APBA1: variants seen among roughly 807,000 people sequenced by gnomAD.
APBA1 encodes amyloid-beta A4 precursor protein-binding family A member 1.
A neutral mutation model predicts 86.6 loss-of-function variants in APBA1; 55 were observed. The ratio of observed to expected loss-of-function variants is 0.64; its 90% CI spans 0.51 to 0.80. The LOEUF is 0.80. APBA1 is among the 30% of genes least tolerant of loss of function. APBA1 has a pLI of 0.00. For missense variants in APBA1, 1,090 were observed against 1,183.0 expected (o/e 0.92, Z 1.15); for synonymous variants, 511 against 493.9 (o/e 1.03, Z -0.46).
intron 1 of APBA1, among the ~76,000 whole-genome samples, chr9:69,542,277 C>A (rs993438393): frequency 1.1e-4 from 17 of 152,216 alleles, no homozygotes; most frequent in African/African-American, 4.1e-4. Context: ...CGTTATAAAA[C>A]AAAGTCCATC....
intron 7 of APBA1, 49 bp downstream of exon 7, chr9:69,457,004 T>C: frequency 6.7e-7 from 1 of 1,485,214 alleles, no homozygotes. Context: ...ATCTCTGAGT[T>C]ACGATGTCAC....
intron 4 of APBA1, among the ~76,000 whole-genome samples, chr9:69,468,432 C>G (rs1835315347): frequency 6.6e-6 from 1 of 152,162 alleles, no homozygotes; most frequent in African/African-American, 2.4e-5. Flanking sequence ...TACTTGCCCC[C>G]CCCCATTCAT....
intron 1 of APBA1, among the ~76,000 whole-genome samples, chr9:69,523,047 G>A (rs1426357667): frequency 1.3e-5 from 2 of 152,126 alleles, no homozygotes; most frequent in Non-Finnish European, 2.9e-5. Flanking sequence ...GTTCTAGAAT[G>A]TTCCACAGCT....
At chr9:69,486,870 C>CTT (rs140792702) in intron 2 of APBA1, among the ~76,000 whole-genome samples, 6 of 108,962 alleles carry the variant, frequency 5.5e-5, no homozygotes, top group African/African-American at 6.6e-5. Context: ...TTCTTCTTTT[C>CTT]TTTTTTTTTT....
intron 2 of APBA1, among the ~76,000 whole-genome samples, chr9:69,490,136 T>C (rs1188779349): frequency 2.6e-5 from 4 of 152,202 alleles, no homozygotes; most frequent in East Asian, 3.9e-4. Flanking sequence ...CATGGAATAC[T>C]ATGCAGCCAT....
At chr9:69,588,112 T>C (rs1822058276) in intron 1 of APBA1, among the ~76,000 whole-genome samples, 1 of 151,772 alleles carries the variant, frequency 6.6e-6, no homozygotes, top group Non-Finnish European at 1.5e-5. Context: ...GAAGACCTCT[T>C]TGTGGGAATG....
At chr9:69,538,059 G>T (rs60919053) in intron 1 of APBA1, among the ~76,000 whole-genome samples, 5,956 of 148,364 alleles carry the variant, frequency 0.04, 431 homozygotes, top group African/African-American at 0.14. Context: ...CTGGAGCCTT[G>T]AAAAAAAAAT....
rs1348242037 is a variant in APBA1 at position 69,516,253 on chromosome 9, C to T, written c.958G>A (p.Ala320Thr). ...RPDSPGLQAP[A>T]GQQRAVGPAG... The stretch of plus-strand genomic sequence containing the variant: ...GGGCCCACCGCCCGCTGCTGCCCCG[C>T]CGGCGCCTGCAGCCCGGGGCTGTCG... The change falls in exon 2 of 13, where the codon GCG (alanine) becomes ACG (threonine). Residue 320 changes from alanine to threonine, a missense_variant. Physicochemically the swap from Ala to Thr is moderately conservative, Grantham distance 58. This residue lies in a region of APBA1 where 678 missense variants were observed against 647.1 expected (regional missense o/e 1.05). Transcript: ENST00000265381. The surrounding 1 kb of genome is among the most constrained non-coding windows in gnomAD (Gnocchi z 7.3). The T allele has an allele frequency of 7.2e-7, 1 of 1,380,322 alleles. No homozygotes were observed. Among genetic ancestry groups the T allele is most frequent in the African/African-American group, 1.5e-5 (1 of 65,438 alleles). 85.5% of individuals were successfully genotyped at this position (1,380,322 alleles called of 1,614,324 possible).
At chr9:69,617,896 T>C (rs981053520) in intron 1 of APBA1, among the ~76,000 whole-genome samples, 1 of 152,196 alleles carries the variant, frequency 6.6e-6, no homozygotes, top group African/African-American at 2.4e-5. Context: ...TGGGTGTTTA[T>C]GGACATAAAG....
intron 1 of APBA1, among the ~76,000 whole-genome samples, chr9:69,559,244 G>C (rs531890468): frequency 6.6e-6 from 1 of 152,020 alleles, no homozygotes; most frequent in Non-Finnish European, 1.5e-5. Context: ...TATTCTTTCT[G>C]GGGGGTAGGT....
rs1221164288 is a variant in APBA1, at chr9:69,432,661, G to A, written c.2317C>T (p.Arg773Ter). Residue 773 changes from arginine to a stop codon, truncating the protein, a stop_gained, in exon 12 of 13, where the codon CGA (arginine) becomes TGA (stop). Coordinates refer to ENST00000265381, the MANE Select transcript of APBA1 (RefSeq NM_001163.4). LOFTEE classifies it high-confidence loss of function. ...VQNGIICSLM[R>*]GGIAERGGVR... is the part of the protein sequence containing the mutation. Reference sequence around the variant, plus strand: ...CCTCCTCTCTCAGCTATTCCCCCTCGCATGAGGCTGCAGATCTGCCAGAGT... The same window carrying A: ...CCTCCTCTCTCAGCTATTCCCCCTCACATGAGGCTGCAGATCTGCCAGAGT... 4 of 1,587,502 alleles carry A rather than the reference G, an allele frequency of 2.5e-6. No individual in the cohort carries two copies. Among genetic ancestry groups the A allele is most frequent in the African/African-American group, 1.3e-5 (1 of 74,152 alleles).
intron 1 of APBA1, among the ~76,000 whole-genome samples, chr9:69,584,338 T>C (rs1387719792): frequency 6.6e-6 from 1 of 152,202 alleles, no homozygotes; most frequent in Non-Finnish European, 1.5e-5. Flanking sequence ...TTAAGTGTTT[T>C]GGCTGTATTA....
chr9:69,578,704 C>T (rs1316522024), intron 1 of APBA1, among the ~76,000 whole-genome samples: 2 of 152,198 alleles, frequency 1.3e-5, no homozygotes, highest in African/African-American at 2.4e-5. Context: ...TGGGGAGCCC[C>T]CTCCCCTGGC....
intron 12 of APBA1, 81 bp downstream of exon 12, chr9:69,432,455 G>C (rs1463076557): frequency 1.5e-6 from 2 of 1,355,120 alleles, no homozygotes; most frequent in East Asian, 2.8e-5. Context: ...TGGAAGGTCT[G>C]CTCAGGGCCA....
chr9:69,525,518 C>T (rs963853270), intron 1 of APBA1, among the ~76,000 whole-genome samples: 2 of 150,562 alleles, frequency 1.3e-5, no homozygotes, highest in Admixed American at 1.3e-4. Context: ...TCTAGGAATA[C>T]ATCTAAGCAA....
chr9:69,650,146 GCT>G (rs898983953), intron 1 of APBA1, among the ~76,000 whole-genome samples: 7 of 152,152 alleles, frequency 4.6e-5, no homozygotes, highest in African/African-American at 1.7e-4. Context: ...TCAAATTCTG[GCT>G]CTGTCACCTA....
intron 9 of APBA1, among the ~76,000 whole-genome samples, chr9:69,450,056 GTTTTTTTTTTTTT>G (rs58417611): frequency 6.4e-5 from 6 of 94,162 alleles, no homozygotes; most frequent in Non-Finnish European, 1.0e-4. Context: ...AGGACCACCA[GTTTTTTTTTTTTT>G]TTTTTTTTTT....
chr9:69,458,334 G>C (rs533903871), intron 5 of APBA1, 146 bp from the exon 6 acceptor site: 2 of 595,694 alleles, frequency 3.4e-6, no homozygotes, highest in South Asian at 7.1e-5. Flanking sequence ...AAAAATCCCA[G>C]TCTAAAGATA....
chr9:69,466,454 T>C (rs1195118741), intron 5 of APBA1, among the ~76,000 whole-genome samples: 2 of 152,246 alleles, frequency 1.3e-5, no homozygotes, highest in Non-Finnish European at 1.5e-5. Context: ...TCACTTACTG[T>C]TCCTTTCTAC....
Sources: allele counts gnomAD v4.1 joint callset (sites outside exome capture counted in the v4.1 genomes callset), GRCh38; gene constraint gnomAD v4.1.1; regional missense constraint gnomAD v4.1.1; non-coding constraint Gnocchi (gnomAD v3.1); transcripts MANE v1.5; gene names NCBI Gene and HGNC (gene_info 2026-07-23, HGNC 2026-07-21).